The following TGIF1 variants were observed in gnomAD, a reference collection of about 807,000 sequenced individuals.
TGIF1 encodes the protein homeobox protein TGIF1.
Under a neutral mutation model 19.3 loss-of-function variants are expected in TGIF1, and 4 were observed. The observed-to-expected ratio is 0.21, with a 90% CI of 0.10 to 0.47. The LOEUF is 0.47. TGIF1 is among the 20% of genes least tolerant of loss of function. The pLI is 0.98. For missense variants in TGIF1, 275 were observed against 341.4 expected (o/e 0.81, Z 1.53); for synonymous variants, 122 against 129.3 (o/e 0.94, Z 0.38).
upstream of TGIF1, among the ~76,000 whole-genome samples, chr18:3,445,767 A>AAAAAC: frequency 2.6e-5 from 1 of 37,864 alleles, no homozygotes; most frequent in African/African-American, 5.7e-5. Context: ...AAGAAAAGCA[A>AAAAAC]AAAAAAAAAA....
intron 2 of TGIF1, among the ~76,000 whole-genome samples, chr18:3,439,365 T>C (rs565748892): frequency 1.3e-5 from 2 of 152,012 alleles, no homozygotes; most frequent in East Asian, 3.9e-4. Context: ...TTTTTTTTTT[T>C]GAGACGGAGT....
chr18:3,447,233 C>T (rs1016900372), upstream of TGIF1, among the ~76,000 whole-genome samples: 2 of 151,964 alleles, frequency 1.3e-5, no homozygotes, highest in African/African-American at 2.4e-5. Flanking sequence ...CAGTAGCCTC[C>T]GCCAGCACCA....
rs920537155 is a variant in TGIF1 at position 3,431,841 on chromosome 18, G to A, written c.-45+13626G>A. 2.0e-5 allele frequency among the ~76,000 whole-genome samples: 3 copies of A among 151,998 alleles called. No homozygotes were observed. The South Asian group carries it at 6.2e-4, about 31-fold the overall frequency. Reference sequence around the variant, plus strand: ...AAAATCACGTGCCACCTAATAAAATGTACTAAGGGCCGGGTGCTGTGGCTC... The same window carrying A: ...AAAATCACGTGCCACCTAATAAAATATACTAAGGGCCGGGTGCTGTGGCTC... On this transcript the variant is annotated intron_variant, in intron 2 of 3. Transcript: ENST00000401449.
upstream of TGIF1, among the ~76,000 whole-genome samples, chr18:3,445,766 A>AAAAAAAC (rs2082737323): frequency 1.3e-4 from 2 of 15,830 alleles, no homozygotes; most frequent in Non-Finnish European, 2.7e-4. Context: ...GAAGAAAAGC[A>AAAAAAAC]AAAAAAAAAA....
At chr18:3,419,631 C>A (rs2082375114) in intron 2 of TGIF1, among the ~76,000 whole-genome samples, 2 of 152,192 alleles carry the variant, frequency 1.3e-5, no homozygotes, top group Non-Finnish European at 2.9e-5. Flanking sequence ...CACATAATGA[C>A]TTCTAATTTC....
chr18:3,426,263 G>A (rs2082467597), intron 2 of TGIF1, among the ~76,000 whole-genome samples: 1 of 149,176 alleles, frequency 6.7e-6, no homozygotes, highest in South Asian at 2.1e-4. Context: ...CCTCCTCCTG[G>A]GCTCAAGTGA....
At chr18:3,445,500 G>C (rs916037122), upstream of TGIF1, among the ~76,000 whole-genome samples, 1 of 151,622 alleles carries the variant, frequency 6.6e-6, no homozygotes, top group Non-Finnish European at 1.5e-5. Context: ...TGAGGCGGGC[G>C]GATCATGAGG....
At chr18:3,447,871 T>G, upstream of TGIF1, 1 of 1,582,678 alleles carries the variant, frequency 6.3e-7, no homozygotes, top group South Asian at 1.1e-5. Context: ...CCTCCCCCCT[T>G]CTCCTGGAAA....
At chr18:3,417,055 T>C (rs117064008) in intron 1 of TGIF1, among the ~76,000 whole-genome samples, 3,110 of 152,352 alleles carry the variant, frequency 0.02, 48 homozygotes, top group Middle Eastern at 0.048. Flanking sequence ...AGCAAAAATA[T>C]ATTTTTATAA....
chr18:3,431,380 G>A (rs1481605859), intron 2 of TGIF1, among the ~76,000 whole-genome samples: 1 of 152,136 alleles, frequency 6.6e-6, no homozygotes. Context: ...AGGTCGTAGT[G>A]AGCAGAGATT....
In TGIF1 at chr18:3,450,498, C is replaced by T; in HGVS notation, c.9C>T (p.Gly3=). MK[G]KKGIVAASGS... Reference sequence around the variant, plus strand: ...GGGAGGGGAGATCCAGAATGAAAGGCAAGAAAGGTAAGGCGGCCGCGGGCT... The same window carrying T: ...GGGAGGGGAGATCCAGAATGAAAGGTAAGAAAGGTAAGGCGGCCGCGGGCT... Residue 3 remains glycine (G), a synonymous_variant, in exon 1 of 3, where the codon GGC becomes GGT. Coordinates refer to ENST00000343820, the MANE Select transcript of TGIF1 (RefSeq NM_003244.4). 6.4e-7 allele frequency: 1 copy of T among 1,563,680 alleles called. No individual in the cohort carries two copies. Among genetic ancestry groups the T allele is most frequent in the South Asian group, 1.2e-5 (1 of 84,856 alleles).
At chr18:3,445,723 CA>C (rs141550400), upstream of TGIF1, among the ~76,000 whole-genome samples, 1,984 of 17,660 alleles carry the variant, frequency 0.11, 5 homozygotes, top group African/African-American at 0.12. Context: ...GACTCTGTCT[CA>C]AAAAAAAAAA....
chr18:3,450,113 G>T (rs945582610), upstream of TGIF1: 6 of 1,065,946 alleles, frequency 5.6e-6, no homozygotes, highest in African/African-American at 1.0e-4. Flanking sequence ...GGAGGGGGAC[G>T]GGGCGGGCGG....
At position 3,413,243 on chromosome 18, in the gene TGIF1, G is replaced by T. The variant is rs79674077; in HGVS notation, c.-118+989G>T. 5.3e-4 allele frequency among the ~76,000 whole-genome samples: 80 copies of T among 152,280 alleles called. 1 individual carries two copies. The East Asian group carries it at 0.014, about 28-fold the overall frequency. ...TTTAAAAAATTAAATTCACGGAACT[G>T]TTTTTATGTTAAAGGATGGGAACAT... On this transcript the variant is annotated intron_variant, in intron 1 of 3. Transcript: ENST00000401449.
At chr18:3,446,108 A>G (rs2082742676), upstream of TGIF1, among the ~76,000 whole-genome samples, 1 of 152,224 alleles carries the variant, frequency 6.6e-6, no homozygotes, top group Non-Finnish European at 1.5e-5. Context: ...TGTTTCATAA[A>G]CTGTAAAGAA....
At chr18:3,447,661 T>C (rs2082766770), upstream of TGIF1, 6 of 1,549,864 alleles carry the variant, frequency 3.9e-6, no homozygotes, top group Admixed American at 1.0e-4. Context: ...GCGGTTGGGC[T>C]GTAAGCTTTC....
At chr18:3,448,522 C>A, upstream of TGIF1, 1 of 989,010 alleles carries the variant, frequency 1.0e-6, no homozygotes, top group Non-Finnish European at 1.2e-6. Flanking sequence ...GGACCGCGCT[C>A]CCCCCGAGCC....
chr18:3,420,646 T>C (rs2082388233), intron 2 of TGIF1, among the ~76,000 whole-genome samples: 1 of 152,068 alleles, frequency 6.6e-6, no homozygotes, highest in Non-Finnish European at 1.5e-5. Flanking sequence ...AGGTGAAAAG[T>C]AAAAGGATGA....
In TGIF1 at chr18:3,451,593, A is replaced by T; in HGVS notation, c.16+1088A>T. ...GGAGCCGCCTGGAGTTTGGAACTCC[A>T]CATTCTTTCAGACCCGGCCCGCTGC... On this transcript the variant is annotated intron_variant, in intron 1 of 2. Coordinates refer to ENST00000343820, the MANE Select transcript of TGIF1 (RefSeq NM_003244.4). The surrounding 1 kb of genome is among the most constrained non-coding windows in gnomAD (Gnocchi z 5.4). The T allele has an allele frequency of 9.6e-7, 1 of 1,042,386 alleles. No individual in the cohort carries two copies. The allele number at this position is 1,042,386 out of a possible 1,614,324, so 64.6% of individuals were successfully genotyped here.
Sources: gnomAD v4.1 joint callset for allele counts (sites outside exome capture counted in the v4.1 genomes callset) on GRCh38, gnomAD v4.1.1 for gene constraint, Gnocchi (gnomAD v3.1) non-coding constraint, MANE v1.5 for transcripts, NCBI Gene and HGNC (gene_info 2026-07-23, HGNC 2026-07-21) for gene names.